Variants in ADAM19 observed in about 807,000 individuals in gnomAD.
ADAM19 encodes the protein disintegrin and metalloproteinase domain-containing protein 19.
In ADAM19, 65 loss-of-function variants were observed where a neutral mutation model predicts 114.7. The observed-to-expected ratio is 0.57, with a 90% CI of 0.46 to 0.70. The LOEUF (loss-of-function observed/expected upper bound fraction) is 0.70, where lower values mean the gene tolerates loss of function less well. Ranked by LOEUF, ADAM19 falls within the 30% of genes least tolerant of loss-of-function variation. The pLI is 0.00. For missense variants in ADAM19, 1,063 were observed against 1,204.7 expected (o/e 0.88, Z 1.74); for synonymous variants, 466 against 460.5 (o/e 1.01, Z -0.15).
chr5:157,569,530 A>C (rs970183423), intron 2 of ADAM19, among the ~76,000 whole-genome samples: 1 of 144,336 alleles, frequency 6.9e-6, no homozygotes, highest in Admixed American at 7.4e-5. Flanking sequence ...AAGTGCTGGG[A>C]TTACAGGCTT....
intron 4 of ADAM19, among the ~76,000 whole-genome samples, chr5:157,537,539 T>G (rs1756799432): frequency 6.6e-6 from 1 of 152,228 alleles, no homozygotes; most frequent in Non-Finnish European, 1.5e-5. Flanking sequence ...TAAAAAGGAC[T>G]AATCAAACAT....
rs1413526328 is a variant in ADAM19, at chr5:157,505,649, C to T, written c.1130+20G>A. Reference sequence around the variant, plus strand: ...TGTGCCCGCCCTCCTCCCCATCCTCCCTCTTGCTGTTTGACTCACCCAGTG... The same window carrying T: ...TGTGCCCGCCCTCCTCCCCATCCTCTCTCTTGCTGTTTGACTCACCCAGTG... On this transcript the variant is annotated intron_variant, in intron 11 of 22. Transcript: ENST00000257527. 1 of 1,612,788 alleles carries T rather than the reference C, an allele frequency of 6.2e-7. No homozygotes were observed.
At chr5:157,492,768 CT>C in intron 16 of ADAM19, among the ~76,000 whole-genome samples, 1 of 152,278 alleles carries the variant, frequency 6.6e-6, no homozygotes, top group South Asian at 2.1e-4. Flanking sequence ...CACCTAAGTG[CT>C]TTACTGGGAT....
At chr5:157,530,335 A>C (rs1756589703) in intron 5 of ADAM19, among the ~76,000 whole-genome samples, 1 of 152,174 alleles carries the variant, frequency 6.6e-6, no homozygotes, top group Admixed American at 6.5e-5. Flanking sequence ...TGCTGAAATG[A>C]TGCAAACTAG....
intron 3 of ADAM19, among the ~76,000 whole-genome samples, chr5:157,555,194 C>T (rs1029921906): frequency 6.6e-6 from 1 of 152,204 alleles, no homozygotes; most frequent in Non-Finnish European, 1.5e-5. Flanking sequence ...CTCCACACCT[C>T]AGGGTCCCCA....
In ADAM19 at chr5:157,505,731, A is replaced by C. The variant is rs1755721320; in HGVS notation, c.1068T>G (p.Asp356Glu). ...EMGHNFGMTH[D>E]SADCCSASAA... ...CACTGGCCGAGCAGCAATCTGCAGA[A>C]TCATGGGTCATGCCAAAGTTGTGGC... is the stretch of plus-strand genomic sequence containing the variant. The change falls in exon 11 of 23, where the codon GAT becomes GAG. Residue 356 changes from aspartate to glutamate, a missense_variant. Asp to Glu is a conservative substitution (Grantham distance 45, BLOSUM62 2). Transcript: ENST00000257527. 6.2e-7 allele frequency: 1 copy of C among 1,614,082 alleles called. No homozygotes were observed. Among genetic ancestry groups the C allele is most frequent in the Non-Finnish European group, 8.5e-7 (1 of 1,180,008 alleles).
chr5:157,538,508 A>T (rs757687191), intron 3 of ADAM19, among the ~76,000 whole-genome samples: 2 of 152,216 alleles, frequency 1.3e-5, no homozygotes, highest in Non-Finnish European at 2.9e-5. Flanking sequence ...AAGCCAGTGG[A>T]GAGATACTGC....
intron 5 of ADAM19, among the ~76,000 whole-genome samples, chr5:157,526,411 A>G (rs1161926285): frequency 6.6e-6 from 1 of 152,238 alleles, no homozygotes; most frequent in Non-Finnish European, 1.5e-5. Context: ...AAAATTTTTA[A>G]AAAAGTAAAC....
At chr5:157,573,405 T>A (rs547455448) in intron 1 of ADAM19, among the ~76,000 whole-genome samples, 6 of 152,282 alleles carry the variant, frequency 3.9e-5, no homozygotes, top group East Asian at 3.9e-4. Context: ...TCTATATATA[T>A]CTATAGAATT....
chr5:157,506,378 C>T (rs954195233), intron 10 of ADAM19, among the ~76,000 whole-genome samples: 1 of 152,172 alleles, frequency 6.6e-6, no homozygotes, highest in Admixed American at 6.5e-5. Context: ...ATTTAATTCC[C>T]ATTCCTATCC....
chr5:157,509,410 C>T lies in ADAM19; in HGVS notation c.796G>A (p.Gly266Arg), dbSNP rs369469519. Residue 266 changes from glycine to arginine, a missense_variant, in exon 9 of 23, where the codon GGG becomes AGG. Around this residue, in one of 3 missense-constraint regions of ADAM19, gnomAD observed 615 missense variants for 706.3 expected, o/e 0.87. Coordinates refer to ENST00000257527, the MANE Select transcript of ADAM19 (RefSeq NM_033274.5). ...TTCTCTGAAACTTCACACATGTTCC[C>T]GTGGGTCCACACTTCCAAGCCCACG... ...ALVGLEVWTHGNMCEVSENPY... is the reference protein window; with the variant it reads ...ALVGLEVWTHRNMCEVSENPY... The T allele has an allele frequency of 3.9e-5, 63 of 1,613,026 alleles. No homozygotes were observed. Among genetic ancestry groups the T allele is most frequent in the African/African-American group, 1.3e-4 (10 of 74,918 alleles).
At chr5:157,551,171 G>C (rs1188798526) in intron 3 of ADAM19, among the ~76,000 whole-genome samples, 1 of 151,906 alleles carries the variant, frequency 6.6e-6, no homozygotes, top group Admixed American at 6.6e-5. Flanking sequence ...TTGGGAAGCC[G>C]AGGCAGGCGA....
chr5:157,539,351 A>G (rs572043296), intron 3 of ADAM19, among the ~76,000 whole-genome samples: 4 of 152,348 alleles, frequency 2.6e-5, no homozygotes, highest in African/African-American at 9.6e-5. Flanking sequence ...ATGTAGGCTG[A>G]GGCCAGCACA....
chr5:157,547,833 A>G (rs1279548540), intron 3 of ADAM19, among the ~76,000 whole-genome samples: 1 of 152,128 alleles, frequency 6.6e-6, no homozygotes, highest in Admixed American at 6.5e-5. Flanking sequence ...TCCCTAAATT[A>G]GTCCTTCTCA....
At chr5:157,539,792 A>G (rs1756868450) in intron 3 of ADAM19, among the ~76,000 whole-genome samples, 1 of 152,200 alleles carries the variant, frequency 6.6e-6, no homozygotes, top group Non-Finnish European at 1.5e-5. Context: ...CTGAGGGAGA[A>G]AAGCTGTAAG....
intron 7 of ADAM19, among the ~76,000 whole-genome samples, chr5:157,515,819 C>T (rs1342852438): frequency 6.6e-6 from 1 of 152,172 alleles, no homozygotes; most frequent in Non-Finnish European, 1.5e-5. Flanking sequence ...CCTACAACAG[C>T]CCACCTTACT....
intron 5 of ADAM19, among the ~76,000 whole-genome samples, chr5:157,530,298 G>A (rs1756588874): frequency 6.6e-6 from 1 of 152,078 alleles, no homozygotes; most frequent in South Asian, 2.1e-4. Flanking sequence ...GACAACTAAG[G>A]ACAGAGAGCC....
Position 157,478,041 on chromosome 5 carries a change from A to T in ADAM19, c.*2908T>A. On this transcript the variant is annotated 3_prime_UTR_variant, in exon 23 of 23. Transcript: ENST00000257527. ...CAGGCTAAGGCTTCTAGAGACAGGG[A>T]GACAGGGCACTAAATCCCTTGAGGT... is the stretch of plus-strand genomic sequence containing the variant. The T allele has an allele frequency of 4.6e-6, 1 of 219,344 alleles. No homozygotes were observed. The highest frequency in any genetic ancestry group is 9.5e-6 in the Non-Finnish European group (1 of 105,772). 13.6% of individuals were successfully genotyped at this position (219,344 alleles called of 1,614,324 possible). A position where few individuals can be genotyped will look rare whatever the true frequency, so the allele number is the denominator to read the frequency against.
chr5:157,518,702 C>T, intron 7 of ADAM19, 121 bp downstream of exon 7: 1 of 934,232 alleles, frequency 1.1e-6, no homozygotes, highest in Non-Finnish European at 1.7e-6. Context: ...GATTTAAGGT[C>T]AAAATCATAG....
Sources: allele counts gnomAD v4.1 joint callset (sites outside exome capture counted in the v4.1 genomes callset), GRCh38; gene constraint gnomAD v4.1.1; regional missense constraint gnomAD v4.1.1; transcripts MANE v1.5; gene names NCBI Gene and HGNC (gene_info 2026-07-23, HGNC 2026-07-21).